Variants in FRZB observed in about 807,000 individuals in gnomAD.
FRZB encodes the protein secreted frizzled-related protein 3.
A neutral mutation model predicts 32.5 loss-of-function variants in FRZB; 34 were observed. The observed-to-expected ratio is 1.05, with a 90% CI of 0.80 to 1.39. The LOEUF (loss-of-function observed/expected upper bound fraction) is 1.39, where lower values mean the gene tolerates loss of function less well. Ranked by LOEUF, FRZB falls within the 40% of genes most tolerant of loss-of-function variation. FRZB has a pLI of 0.00. For missense variants in FRZB, 423 were observed against 424.8 expected (o/e 1.00, Z 0.04); for synonymous variants, 170 against 159.2 (o/e 1.07, Z -0.51).
intron 2 of FRZB, among the ~76,000 whole-genome samples, chr2:182,846,243 T>C (rs1273327188): frequency 1.3e-5 from 2 of 152,206 alleles, no homozygotes; most frequent in African/African-American, 4.8e-5. Flanking sequence ...TAATGCAACA[T>C]TGTTTGAGTT....
intron 2 of FRZB, among the ~76,000 whole-genome samples, chr2:182,849,609 G>C (rs1414824705): frequency 6.6e-6 from 1 of 152,100 alleles, no homozygotes; most frequent in Non-Finnish European, 1.5e-5. Context: ...ATATAACAAG[G>C]CTTTACAAAG....
chr2:182,842,473 C>T lies in FRZB; in HGVS notation c.592+5G>A. 4 of 1,607,238 alleles carry T rather than the reference C, an allele frequency of 2.5e-6. No individual in the cohort carries two copies. Among genetic ancestry groups the T allele is most frequent in the Non-Finnish European group, 3.4e-6 (4 of 1,174,036 alleles). ...TTTATACATCAACCATGAAATTTTC[C>T]TTACCATAGTTGTAATTGTTCCGGA... is the stretch of plus-strand genomic sequence containing the variant. On this transcript the variant is annotated splice_donor_5th_base_variant and intron_variant, in intron 3 of 5. Coordinates refer to ENST00000295113, the MANE Select transcript of FRZB (RefSeq NM_001463.4).
At chr2:182,835,011 G>A (rs753794938) in intron 5 of FRZB, 46 bp from the exon 6 acceptor site, 1 of 1,327,518 alleles carries the variant, frequency 7.5e-7, no homozygotes, top group East Asian at 2.3e-5. Context: ...ATATCACCAG[G>A]GTCATTATTT....
intron 3 of FRZB, among the ~76,000 whole-genome samples, chr2:182,842,137 T>G (rs931374942): frequency 5.3e-5 from 8 of 152,168 alleles, no homozygotes; most frequent in African/African-American, 1.4e-4. Flanking sequence ...GCACAACTGA[T>G]GGCCTATGCA....
Position 182,866,118 on chromosome 2 carries a change from G to A in FRZB, c.435C>T (p.Gly145=), listed in dbSNP as rs577841013. The change falls in exon 1 of 6, where the codon GGC becomes GGT. Residue 145 remains glycine, a synonymous_variant. Transcript: ENST00000295113. The surrounding 1 kb of genome is among the most constrained non-coding windows in gnomAD (Gnocchi z 4.5). ...CGATGGCCTCGGGAGAGATGCACACGCCCCTGTCGTACACTGGCAGCTCCT... is the reference window on the plus strand; with the variant it reads ...CGATGGCCTCGGGAGAGATGCACACACCCCTGTCGTACACTGGCAGCTCCT... The part of the protein sequence containing the change: ...ACEELPVYDR[G]VCISPEAIVT... The A allele has an allele frequency of 1.7e-5, 28 of 1,613,978 alleles. No individual in the cohort carries two copies. The highest frequency in any genetic ancestry group is 2.3e-5 in the Non-Finnish European group (27 of 1,179,932).
intron 2 of FRZB, 59 bp downstream of exon 2, chr2:182,858,727 A>G: frequency 7.4e-7 from 1 of 1,349,674 alleles, no homozygotes; most frequent in East Asian, 2.3e-5. Context: ...AAGTATCTAA[A>G]TTACATCAAT....
At chr2:182,846,385 G>T (rs1695640870) in intron 2 of FRZB, among the ~76,000 whole-genome samples, 1 of 152,100 alleles carries the variant, frequency 6.6e-6, no homozygotes, top group Non-Finnish European at 1.5e-5. Context: ...AACCTTTCAT[G>T]TACCATGACT....
chr2:182,864,795 A>C (rs1341260916), intron 1 of FRZB, among the ~76,000 whole-genome samples: 1 of 152,192 alleles, frequency 6.6e-6, no homozygotes, highest in East Asian at 1.9e-4. Flanking sequence ...CGCAAGTTGA[A>C]AGAGGAAGGA....
At chr2:182,854,880 A>G (rs1283077563) in intron 2 of FRZB, among the ~76,000 whole-genome samples, 3 of 152,242 alleles carry the variant, frequency 2.0e-5, no homozygotes, top group Non-Finnish European at 4.4e-5. Context: ...GAAAAGTGCA[A>G]GGGAGATCAG....
At chr2:182,843,746 A>T (rs1695610252) in intron 2 of FRZB, among the ~76,000 whole-genome samples, 1 of 152,186 alleles carries the variant, frequency 6.6e-6, no homozygotes, top group African/African-American at 2.4e-5. Flanking sequence ...AGTCTGGGCA[A>T]TGTGGCAAAA....
intron 2 of FRZB, among the ~76,000 whole-genome samples, chr2:182,849,036 G>T (rs1228886328): frequency 6.6e-6 from 1 of 152,058 alleles, no homozygotes; most frequent in Non-Finnish European, 1.5e-5. Context: ...GACCATCCTG[G>T]CTAACACGGT....
intron 2 of FRZB, among the ~76,000 whole-genome samples, chr2:182,853,372 A>T (rs1695730785): frequency 6.6e-6 from 1 of 152,174 alleles, no homozygotes; most frequent in African/African-American, 2.4e-5. Flanking sequence ...AATTGGTAAC[A>T]TATACATGTC....
At position 182,849,155 on chromosome 2, in the gene FRZB, G is replaced by A. The variant is rs112607840; in HGVS notation, c.527-6612C>T. Among the ~76,000 whole-genome samples the A allele has an allele frequency of 2.6e-5, 4 of 151,844 alleles. No individual in the cohort carries two copies. In the South Asian group the frequency reaches 6.2e-4, roughly 24 times the overall value. On this transcript the variant is annotated intron_variant, in intron 2 of 5. Coordinates refer to ENST00000295113, the MANE Select transcript of FRZB (RefSeq NM_001463.4). Reference sequence around the variant, plus strand: ...GGCAGGAGAATGGTGTGAACCCGGGGGGTGGAGCTTGCAGTGAGCTGAGAT... The same window carrying A: ...GGCAGGAGAATGGTGTGAACCCGGGAGGTGGAGCTTGCAGTGAGCTGAGAT...
At chr2:182,843,056 T>C (rs573265474) in intron 2 of FRZB, among the ~76,000 whole-genome samples, 2 of 152,180 alleles carry the variant, frequency 1.3e-5, no homozygotes, top group African/African-American at 4.8e-5. Context: ...CCCAGTGAAC[T>C]TGGTGAAGTT....
Position 182,856,371 on chromosome 2 carries a change from T to A in FRZB, c.526+2415A>T, listed in dbSNP as rs539964420. Among the ~76,000 whole-genome samples the A allele has an allele frequency of 4.8e-4, 72 of 151,076 alleles. 1 individual carries two copies. The South Asian group carries it at 6.7e-3, about 14-fold the overall frequency. On this transcript the variant is annotated intron_variant, in intron 2 of 5. Coordinates refer to ENST00000295113, the MANE Select transcript of FRZB (RefSeq NM_001463.4). ...TATATCTCACATACGTGTGTGTGTGTGAGAGAGAGAGAGAGAGATACAATC... is the reference window on the plus strand; with the variant it reads ...TATATCTCACATACGTGTGTGTGTGAGAGAGAGAGAGAGAGAGATACAATC...
chr2:182,836,533 G>A (rs1231320841), intron 5 of FRZB, among the ~76,000 whole-genome samples: 3 of 152,016 alleles, frequency 2.0e-5, no homozygotes, highest in Non-Finnish European at 2.9e-5. Context: ...AAATATTGCA[G>A]AAAGCAATGG....
chr2:182,846,025 C>T (rs919255487), intron 2 of FRZB, among the ~76,000 whole-genome samples: 4 of 152,216 alleles, frequency 2.6e-5, no homozygotes, highest in African/African-American at 9.7e-5. Flanking sequence ...GCCTTGCTGC[C>T]TCAGAGTAGC....
At chr2:182,858,420 T>G (rs1695794517) in intron 2 of FRZB, among the ~76,000 whole-genome samples, 1 of 152,136 alleles carries the variant, frequency 6.6e-6, no homozygotes, top group Admixed American at 6.5e-5. Flanking sequence ...GAGAAAACTA[T>G]AGTGATAAAG....
intron 2 of FRZB, among the ~76,000 whole-genome samples, chr2:182,855,622 G>C (rs977995406): frequency 1.3e-5 from 2 of 152,084 alleles, no homozygotes; most frequent in African/African-American, 4.8e-5. Context: ...AAAAAGATTA[G>C]GAGAAAAAAT....
Sources: gnomAD v4.1 joint callset for allele counts (sites outside exome capture counted in the v4.1 genomes callset) on GRCh38, gnomAD v4.1.1 for gene constraint, Gnocchi (gnomAD v3.1) non-coding constraint, MANE v1.5 for transcripts, NCBI Gene and HGNC (gene_info 2026-07-23, HGNC 2026-07-21) for gene names.